The following CGNL1 variants were observed in gnomAD, a reference collection of about 807,000 sequenced individuals.
CGNL1 encodes the protein cingulin like 1.
Under a neutral mutation model 141.2 loss-of-function variants are expected in CGNL1, and 132 were observed. That is an observed-to-expected ratio of 0.93 (90% CI 0.81 to 1.08). The LOEUF is 1.08. Ranked by LOEUF, CGNL1 falls within the 50% of genes least tolerant of loss-of-function variation. The probability of loss-of-function intolerance (pLI) is 0.00; values close to 1 mark genes in which losing one functional copy is unlikely to be tolerated. For synonymous variants in CGNL1, 690 were observed against 622.1 expected (o/e 1.11, Z -1.63); for missense variants, 1,870 against 1,588.6 (o/e 1.18, Z -3.01).
In CGNL1 at chr15:57,438,726, G is replaced by A. The variant is rs2063141473; in HGVS notation, c.727G>A (p.Glu243Lys). ...TGTAAACGTTCAGAGCTGCACCAAGGAGAGGGTGGGAGAGGAGGCCCTTTT... is the reference window on the plus strand; with the variant it reads ...TGTAAACGTTCAGAGCTGCACCAAGAAGAGGGTGGGAGAGGAGGCCCTTTT... ...VCVNVQSCTK[E>K]RVGEEALFTS... The change falls in exon 2 of 19, where the codon GAG becomes AAG. Residue 243 changes from glutamate to lysine, a missense_variant. Glu to Lys is a moderately conservative substitution (Grantham distance 56). Transcript: ENST00000281282. 1 of 1,614,016 alleles carries A rather than the reference G, an allele frequency of 6.2e-7. No individual in the cohort carries two copies. Among genetic ancestry groups the A allele is most frequent in the Non-Finnish European group, 8.5e-7 (1 of 1,180,032 alleles).
chr15:57,420,318 A>G (rs1176101557), intron 1 of CGNL1, among the ~76,000 whole-genome samples: 1 of 151,480 alleles, frequency 6.6e-6, no homozygotes, highest in African/African-American at 2.5e-5. Flanking sequence ...GCAAGAAAAC[A>G]TAGATGTGTA....
At position 57,438,589 on chromosome 15, in the gene CGNL1, A is replaced by G. The variant is rs1485128252; in HGVS notation, c.590A>G (p.Asn197Ser). The G allele has an allele frequency of 1.2e-6, 2 of 1,613,690 alleles. No individual in the cohort carries two copies. The highest frequency in any genetic ancestry group is 1.7e-6 in the Non-Finnish European group (2 of 1,180,042). The change falls in exon 2 of 19, where the codon AAT (asparagine) becomes AGT (serine). Residue 197 changes from asparagine to serine, a missense_variant. Asn to Ser is a conservative substitution (Grantham distance 46, BLOSUM62 1). Coordinates refer to ENST00000281282, the MANE Select transcript of CGNL1 (RefSeq NM_032866.5). ...TGGACTTGCTTTCCCAAACCTAGCA[A>G]TTCCCAGCCTACCAGTCCCTCCTTG... ...KPWTCFPKPS[N>S]SQPTSPSLED...
At chr15:57,539,904 G>A (rs116857438) in intron 14 of CGNL1, among the ~76,000 whole-genome samples, 3,815 of 152,310 alleles carry the variant, frequency 0.025, 82 homozygotes, top group Middle Eastern at 0.054. Flanking sequence ...CACAGATGGG[G>A]ATGTTAACAC....
At chr15:57,441,253 A>AT (rs2063183660) in intron 3 of CGNL1, among the ~76,000 whole-genome samples, 1 of 152,364 alleles carries the variant, frequency 6.6e-6, no homozygotes, top group African/African-American at 2.4e-5. Flanking sequence ...AAAGGGGGAA[A>AT]AAAAAAGTAA....
At chr15:57,499,373 G>T (rs2063990167) in intron 8 of CGNL1, among the ~76,000 whole-genome samples, 1 of 151,338 alleles carries the variant, frequency 6.6e-6, no homozygotes, top group African/African-American at 2.4e-5. Context: ...GAGTAGCTGG[G>T]ATTACATGCT....
chr15:57,440,173 AC>A (rs1283355653), intron 2 of CGNL1, among the ~76,000 whole-genome samples: 5 of 152,206 alleles, frequency 3.3e-5, no homozygotes, highest in Admixed American at 6.5e-5. Flanking sequence ...GATTGCACCA[AC>A]CCTGTGCAGG....
intron 8 of CGNL1, among the ~76,000 whole-genome samples, chr15:57,471,802 C>T (rs2063585355): frequency 6.6e-6 from 1 of 152,174 alleles, no homozygotes. Flanking sequence ...TTTGGAATAT[C>T]CATCCAATAA....
chr15:57,381,829 C>G (rs1267508767), intron 1 of CGNL1, among the ~76,000 whole-genome samples: 1 of 152,062 alleles, frequency 6.6e-6, no homozygotes, highest in Non-Finnish European at 1.5e-5. Context: ...CAGTTCAGAC[C>G]TAAAGAGAAA....
At chr15:57,507,240 A>G (rs369061581) in intron 8 of CGNL1, among the ~76,000 whole-genome samples, 86 of 152,340 alleles carry the variant, frequency 5.6e-4, no homozygotes, top group African/African-American at 1.8e-3. Flanking sequence ...ACTGCTCTAC[A>G]TCTATTTAGT....
At chr15:57,519,174 C>T (rs2031067810) in intron 10 of CGNL1, among the ~76,000 whole-genome samples, 1 of 152,156 alleles carries the variant, frequency 6.6e-6, no homozygotes, top group Non-Finnish European at 1.5e-5. Context: ...TGCACAGTGA[C>T]CTCCGGGTGA....
intron 1 of CGNL1, among the ~76,000 whole-genome samples, chr15:57,399,998 C>CT (rs10532752): frequency 2.8e-5 from 4 of 144,296 alleles, no homozygotes; most frequent in African/African-American, 1.0e-4. Flanking sequence ...TTTCTAATAC[C>CT]TTTTTTTTTT....
intron 8 of CGNL1, among the ~76,000 whole-genome samples, chr15:57,490,519 G>T (rs2063845085): frequency 6.6e-6 from 1 of 152,156 alleles, no homozygotes; most frequent in Non-Finnish European, 1.5e-5. Flanking sequence ...GGTAGTATTG[G>T]ATTATGACCC....
At position 57,453,710 on chromosome 15, in the gene CGNL1, G is replaced by T; in HGVS notation, c.2082G>T (p.Glu694Asp). 6.2e-7 allele frequency: 1 copy of T among 1,613,948 alleles called. No individual in the cohort carries two copies. The highest frequency in any genetic ancestry group is 8.5e-7 in the Non-Finnish European group (1 of 1,179,922). Residue 694 changes from glutamate to aspartate, a missense_variant, in exon 7 of 19, where the codon GAG (glutamate) becomes GAT (aspartate). Glu to Asp is a conservative substitution (Grantham distance 45). Coordinates refer to ENST00000281282, the MANE Select transcript of CGNL1 (RefSeq NM_032866.5). ...EELFQVKMER[E>D]QHQTEIRDLQ... ...TATTCCAGGTGAAGATGGAACGGGAGCAGCATCAGACTGAGATCAGGGATC... is the reference window on the plus strand; with the variant it reads ...TATTCCAGGTGAAGATGGAACGGGATCAGCATCAGACTGAGATCAGGGATC...
intron 1 of CGNL1, among the ~76,000 whole-genome samples, chr15:57,425,716 G>C (rs7162116): frequency 0.56 from 81,643 of 146,960 alleles, 23,068 homozygotes; most frequent in Non-Finnish European, 0.62. Flanking sequence ...ACTCTAGCCT[G>C]GGTGACAGAG....
intron 1 of CGNL1, among the ~76,000 whole-genome samples, chr15:57,378,709 ATCCT>A (rs1302708414): frequency 6.6e-6 from 1 of 152,170 alleles, no homozygotes; most frequent in Non-Finnish European, 1.5e-5. Context: ...GTGGGATGAC[ATCCT>A]TCCAAGAATG....
chr15:57,416,482 C>T (rs759721582), intron 1 of CGNL1, among the ~76,000 whole-genome samples: 1 of 152,154 alleles, frequency 6.6e-6, no homozygotes, highest in African/African-American at 2.4e-5. Context: ...AGCCAGCATC[C>T]TCTCCTGACC....
At chr15:57,407,691 T>C (rs2062738890) in intron 1 of CGNL1, among the ~76,000 whole-genome samples, 2 of 151,344 alleles carry the variant, frequency 1.3e-5, no homozygotes, top group South Asian at 4.2e-4. Context: ...AAAGGCAGGG[T>C]GGTGGGGCTT....
chr15:57,545,593 G>T lies in CGNL1; in HGVS notation c.3502G>T (p.Asp1168Tyr), dbSNP rs141793758. ...LEDRLESEERDRANLQLSNRR... is the reference protein window; with the variant it reads ...LEDRLESEERYRANLQLSNRR... ...TTGGTTCTGTCTCCCCTCTTCCAGG[G>T]ATCGGGCCAATCTTCAGCTCAGCAA... Residue 1168 changes from aspartate (D) to tyrosine (Y), a missense_variant and splice_region_variant, in exon 17 of 19, where the codon GAT becomes TAT. Transcript: ENST00000281282. 4.5e-5 allele frequency: 73 copies of T among 1,612,516 alleles called. No individual in the cohort carries two copies. The African/African-American group carries it at 9.1e-4, about 20-fold the overall frequency.
intron 13 of CGNL1, among the ~76,000 whole-genome samples, chr15:57,530,981 C>A (rs540414856): frequency 6.6e-6 from 1 of 152,128 alleles, no homozygotes. Flanking sequence ...AGGAGAAACA[C>A]GTGCTCAAGG....
Sources: gnomAD v4.1 joint callset for allele counts (sites outside exome capture counted in the v4.1 genomes callset) on GRCh38, gnomAD v4.1.1 for gene constraint, MANE v1.5 for transcripts, NCBI Gene and HGNC (gene_info 2026-07-23, HGNC 2026-07-21) for gene names.